Variants in RPH3A observed in about 807,000 individuals in gnomAD.
RPH3A encodes the protein rabphilin 3A.
In RPH3A, 48 loss-of-function variants were observed where a neutral mutation model predicts 102.2. That is an observed-to-expected ratio of 0.47 (90% CI 0.37 to 0.60). The LOEUF is 0.60. Among genes scored for constraint, RPH3A ranks in the 20% least tolerant of loss-of-function variants. RPH3A has a pLI of 0.00. For synonymous variants in RPH3A, 310 were observed against 324.3 expected, an observed-to-expected ratio of 0.96 and a Z score of 0.47; for missense variants, 781 against 910.1, an observed-to-expected ratio of 0.86 and a Z score of 1.83.
At chr12:112,738,646 T>C (rs1446376682) in intron 1 of RPH3A, among the ~76,000 whole-genome samples, 1 of 152,052 alleles carries the variant, frequency 6.6e-6, no homozygotes, top group Non-Finnish European at 1.5e-5. Flanking sequence ...TGTTTTTTGT[T>C]TGGGGAGCTG....
chr12:112,654,689 G>A (rs1231237827), intron 1 of RPH3A, among the ~76,000 whole-genome samples: 3 of 152,264 alleles, frequency 2.0e-5, no homozygotes, highest in Admixed American at 6.5e-5. Context: ...TATAGATGTT[G>A]CAATTCTTTC....
chr12:112,674,323 C>T (rs1164821689), intron 1 of RPH3A, among the ~76,000 whole-genome samples: 1 of 152,140 alleles, frequency 6.6e-6, no homozygotes, highest in African/African-American at 2.4e-5. Flanking sequence ...CTCAGAGCGG[C>T]AAGAGGCTGC....
At chr12:112,785,644 A>G (rs1055078328) in intron 1 of RPH3A, among the ~76,000 whole-genome samples, 1 of 152,152 alleles carries the variant, frequency 6.6e-6, no homozygotes, top group Admixed American at 6.5e-5. Flanking sequence ...AGCTAATGTG[A>G]TCCTAACAAC....
At chr12:112,640,325 C>CAAAAAAAAAAAAAAAAAAAAAAA (rs1158230534) in intron 1 of RPH3A, among the ~76,000 whole-genome samples, 1 of 14,078 alleles carries the variant, frequency 7.1e-5, no homozygotes, top group African/African-American at 1.2e-4. Context: ...AACTCCATCT[C>CAAAAAAAAAAAAAAAAAAAAAAA]AAAAAAAAAA....
intron 4 of RPH3A, among the ~76,000 whole-genome samples, chr12:112,837,524 C>A (rs1293033408): frequency 6.6e-6 from 1 of 152,124 alleles, no homozygotes; most frequent in Non-Finnish European, 1.5e-5. Context: ...CAGGAAAATT[C>A]TTCTCCCTGC....
intron 1 of RPH3A, among the ~76,000 whole-genome samples, chr12:112,636,118 T>C (rs1388557490): frequency 6.6e-6 from 1 of 152,194 alleles, no homozygotes; most frequent in African/African-American, 2.4e-5. Flanking sequence ...ATGGCCAAGC[T>C]CTTTCTATCT....
chr12:112,831,367 C>T (rs2041967642), intron 3 of RPH3A, among the ~76,000 whole-genome samples: 1 of 152,036 alleles, frequency 6.6e-6, no homozygotes. Flanking sequence ...TAAAGTGTTA[C>T]TATTCATAAC....
At chr12:112,843,684 G>T (rs568546698) in intron 4 of RPH3A, among the ~76,000 whole-genome samples, 21 of 152,292 alleles carry the variant, frequency 1.4e-4, no homozygotes, top group South Asian at 6.2e-4. Context: ...TGGGAACTAA[G>T]CCTAGAATCT....
intron 2 of RPH3A, among the ~76,000 whole-genome samples, chr12:112,806,929 A>T (rs867907013): frequency 1.1e-4 from 16 of 152,130 alleles, no homozygotes; most frequent in Non-Finnish European, 1.0e-4. Flanking sequence ...GTTCGACCTG[A>T]GATCTGAAGG....
intron 1 of RPH3A, among the ~76,000 whole-genome samples, chr12:112,731,143 A>G (rs2040631025): frequency 6.6e-6 from 1 of 151,934 alleles, no homozygotes; most frequent in Non-Finnish European, 1.5e-5. Flanking sequence ...GTTTTACAGT[A>G]TGACAGGTGG....
intron 1 of RPH3A, among the ~76,000 whole-genome samples, chr12:112,772,152 C>T (rs955510743): frequency 2.6e-5 from 4 of 152,246 alleles, no homozygotes; most frequent in African/African-American, 9.6e-5. Context: ...CCCTTATGCC[C>T]CGGGTTTTAT....
chr12:112,715,346 T>C (rs939057473), intron 1 of RPH3A, among the ~76,000 whole-genome samples: 13 of 152,184 alleles, frequency 8.5e-5, no homozygotes, highest in African/African-American at 2.9e-4. Flanking sequence ...CACATTGTTA[T>C]ATTTTCCTCA....
chr12:112,752,664 A>G (rs528259352), intron 1 of RPH3A, among the ~76,000 whole-genome samples: 2 of 152,036 alleles, frequency 1.3e-5, no homozygotes, highest in South Asian at 4.1e-4. Context: ...TGCTTCTTCA[A>G]ATCAATAACT....
intron 1 of RPH3A, among the ~76,000 whole-genome samples, chr12:112,612,116 A>T (rs1280600368): frequency 6.6e-6 from 1 of 152,230 alleles, no homozygotes; most frequent in Non-Finnish European, 1.5e-5. Flanking sequence ...CTCTGCTTTA[A>T]ATAAGGAGCA....
In RPH3A at chr12:112,683,769, G is replaced by GTAT. The variant is rs1397485267; in HGVS notation, c.-139-108374_-139-108373insTAT. Among the ~76,000 whole-genome samples the GTAT allele has an allele frequency of 1.8e-4, 27 of 152,242 alleles. No individual in the cohort carries two copies. The East Asian group carries it at 3.1e-3, about 17-fold the overall frequency. Reference sequence around the variant, plus strand: ...GTTAAATCTTCAACTCTTCAGGATTGGGCCTGATCTTGCCATACTGGAGAA... The same window carrying GTAT: ...GTTAAATCTTCAACTCTTCAGGATTGTATGGCCTGATCTTGCCATACTGGAGAA... On this transcript the variant is annotated intron_variant, in intron 1 of 21. Transcript: ENST00000543106.
intron 1 of RPH3A, among the ~76,000 whole-genome samples, chr12:112,684,322 A>C (rs1275042557): frequency 6.6e-6 from 1 of 152,128 alleles, no homozygotes; most frequent in Non-Finnish European, 1.5e-5. Flanking sequence ...GCAGTGGTAC[A>C]ATCTCGGCTC....
At chr12:112,681,683 A>G (rs1158763717) in intron 1 of RPH3A, among the ~76,000 whole-genome samples, 1 of 152,220 alleles carries the variant, frequency 6.6e-6, no homozygotes, top group African/African-American at 2.4e-5. Flanking sequence ...AAAGTGAAAT[A>G]TATTAATCAT....
intron 1 of RPH3A, among the ~76,000 whole-genome samples, chr12:112,655,859 T>C (rs1356232109): frequency 6.6e-6 from 1 of 152,060 alleles, no homozygotes; most frequent in Non-Finnish European, 1.5e-5. Flanking sequence ...AGGCATGAGC[T>C]ACCACGCCCA....
chr12:112,641,315 C>CT (rs2039888234), intron 1 of RPH3A, among the ~76,000 whole-genome samples: 1 of 152,188 alleles, frequency 6.6e-6, no homozygotes, highest in Non-Finnish European at 1.5e-5. Context: ...GTATGGCATG[C>CT]TTTAAGTGAC....
Sources: gnomAD v4.1 joint callset for allele counts (sites outside exome capture counted in the v4.1 genomes callset) on GRCh38, gnomAD v4.1.1 for gene constraint, MANE v1.5 for transcripts, NCBI Gene and HGNC (gene_info 2026-07-23, HGNC 2026-07-21) for gene names.